Variants in ELMOD2 observed in about 807,000 individuals in gnomAD.
ELMOD2 encodes the protein ELMO domain containing 2.
ELMOD2 carries 28 observed loss-of-function variants against 41.0 expected under a neutral mutation model. That is an observed-to-expected ratio of 0.68 (90% CI 0.51 to 0.94). The LOEUF is 0.94. Among genes scored for constraint, ELMOD2 ranks in the 40% least tolerant of loss-of-function variants. The pLI is 0.00. For missense variants in ELMOD2, 333 were observed against 343.1 expected (o/e 0.97, Z 0.23); for synonymous variants, 106 against 107.2 (o/e 0.99, Z 0.07).
intron 3 of ELMOD2, among the ~76,000 whole-genome samples, chr4:140,528,123 T>C (rs898890168): frequency 6.6e-6 from 1 of 152,166 alleles, no homozygotes; most frequent in African/African-American, 2.4e-5. Flanking sequence ...TACACAAATA[T>C]ATTTTAAGTC....
chr4:140,537,490 GA>G lies in ELMOD2; in HGVS notation c.352del (p.Arg118GlyfsTer15). 2.5e-6 allele frequency: 4 copies of G among 1,591,274 alleles called. No individual in the cohort carries two copies. The highest frequency in any genetic ancestry group is 2.3e-5 in the East Asian group (1 of 42,868). ...TGTATTTGGATGTAGAAAGTGTGAGGAAAAGGCCATATGATTCTGATAACCT... is the reference window on the plus strand; with the variant it reads ...TGTATTTGGATGTAGAAAGTGTGAGGAAAGGCCATATGATTCTGATAACCT... ...QLYLDVESVRKRPYDSDNLQH... is the reference protein window; with the variant it reads ...QLYLDVESVRXRPYDSDNLQH... On this transcript the variant is annotated frameshift_variant, in exon 5 of 9. Transcript: ENST00000323570. LOFTEE classifies it high-confidence loss of function.
At chr4:140,525,808 T>G (rs1734544870) in intron 2 of ELMOD2, among the ~76,000 whole-genome samples, 1 of 152,226 alleles carries the variant, frequency 6.6e-6, no homozygotes, top group South Asian at 2.1e-4. Context: ...GTTTATCGGT[T>G]ATTCCTTAGA....
intron 8 of ELMOD2, among the ~76,000 whole-genome samples, chr4:140,544,422 A>T (rs1026362016): frequency 1.3e-5 from 2 of 152,084 alleles, no homozygotes; most frequent in African/African-American, 4.8e-5. Context: ...ACCCATTGTA[A>T]CTGTACAATA....
chr4:140,551,708 A>G lies in ELMOD2; in HGVS notation c.*1333A>G, dbSNP rs950042435. On this transcript the variant is annotated 3_prime_UTR_variant, in exon 9 of 9. Transcript: ENST00000323570. ...TTAGCACACCTTTTAATGTGGGTAT[A>G]TATCAAGTGTTTAAGGACTGGCTAG... 8.5e-5 allele frequency: 13 copies of G among 152,238 alleles called. No homozygotes were observed. The highest frequency in any genetic ancestry group is 1.9e-4 in the East Asian group (1 of 5,186). 9.4% of individuals were successfully genotyped at this position (152,238 alleles called of 1,614,324 possible).
intron 6 of ELMOD2, among the ~76,000 whole-genome samples, chr4:140,541,578 C>G (rs1735106243): frequency 6.6e-6 from 1 of 151,950 alleles, no homozygotes; most frequent in African/African-American, 2.4e-5. Context: ...TTGCATTAAG[C>G]AAGACTTTTA....
chr4:140,543,653 A>G, intron 8 of ELMOD2, 67 bp downstream of exon 8: 2 of 1,201,536 alleles, frequency 1.7e-6, no homozygotes, highest in Middle Eastern at 3.0e-4. Context: ...GGAATGTATA[A>G]TATATATTTT....
intron 3 of ELMOD2, among the ~76,000 whole-genome samples, chr4:140,530,173 TG>T (rs950336733): frequency 2.3e-4 from 35 of 152,220 alleles, no homozygotes; most frequent in Non-Finnish European, 3.1e-4. Context: ...CATCTATCAG[TG>T]TAATTGTTAT....
chr4:140,544,986 C>T (rs556370918), intron 8 of ELMOD2, among the ~76,000 whole-genome samples: 1 of 152,230 alleles, frequency 6.6e-6, no homozygotes, highest in South Asian at 2.1e-4. Flanking sequence ...CAGTGTCCAC[C>T]TCCAGATACT....
chr4:140,550,623 C>T lies in ELMOD2; in HGVS notation c.*248C>T. The T allele has an allele frequency of 3.9e-6, 1 of 257,382 alleles. No homozygotes were observed. The highest frequency in any genetic ancestry group is 2.2e-5 in the African/African-American group (1 of 44,696). The allele number at this position is 257,382 out of a possible 1,614,324, so 15.9% of individuals were successfully genotyped here. ...GAGTCATGCGAACTACAGTTTGGAA[C>T]TTGGGACTTAGCCCGTTGGTGTAAA... On this transcript the variant is annotated 3_prime_UTR_variant, in exon 9 of 9. Transcript: ENST00000323570.
chr4:140,529,208 CT>C (rs1734663462), intron 3 of ELMOD2, among the ~76,000 whole-genome samples: 1 of 152,164 alleles, frequency 6.6e-6, no homozygotes, highest in Non-Finnish European at 1.5e-5. Context: ...AGGGCAGTGT[CT>C]TGAGGCACTA....
At chr4:140,530,759 A>C (rs183248538) in intron 3 of ELMOD2, among the ~76,000 whole-genome samples, 60 of 152,308 alleles carry the variant, frequency 3.9e-4, no homozygotes, top group Middle Eastern at 6.8e-3. Flanking sequence ...TCAATTTAAA[A>C]ATATAATTTA....
At chr4:140,530,002 A>C (rs1734694021) in intron 3 of ELMOD2, among the ~76,000 whole-genome samples, 1 of 152,204 alleles carries the variant, frequency 6.6e-6, no homozygotes, top group Non-Finnish European at 1.5e-5. Flanking sequence ...GAATGTGATA[A>C]GGCTCTGAAT....
chr4:140,540,947 A>G (rs1735087798), intron 6 of ELMOD2, among the ~76,000 whole-genome samples: 1 of 152,158 alleles, frequency 6.6e-6, no homozygotes, highest in African/African-American at 2.4e-5. Context: ...AGATAAGGTG[A>G]TAATAAAGTC....
At position 140,540,293 on chromosome 4, in the gene ELMOD2, C is replaced by G. The variant is rs1735065251; in HGVS notation, c.525C>G (p.Ile175Met). Residue 175 changes from isoleucine to methionine, a missense_variant, in exon 6 of 9, where the codon ATC becomes ATG. Physicochemically the swap from Ile to Met is conservative, Grantham distance 10 (BLOSUM62 1). Transcript: ENST00000323570. ...DFRGMGILGL[I>M]NLVYFSENYT... ...GAGGCATGGGCATACTTGGGTTAAT[C>G]AATCTTGTGTAAGTGAAAGTAAACT... 5 of 1,613,210 alleles carry G rather than the reference C, an allele frequency of 3.1e-6. No homozygotes were observed. The highest frequency in any genetic ancestry group is 2.2e-5 in the East Asian group (1 of 44,874).
intron 8 of ELMOD2, among the ~76,000 whole-genome samples, chr4:140,546,521 TA>T (rs1293420121): frequency 6.8e-6 from 1 of 148,062 alleles, no homozygotes; most frequent in Non-Finnish European, 1.5e-5. Flanking sequence ...GAGACTAATG[TA>T]AAAAATAAAT....
At chr4:140,533,615 AAAGTT>A (rs1247050739) in intron 3 of ELMOD2, among the ~76,000 whole-genome samples, 2 of 152,198 alleles carry the variant, frequency 1.3e-5, no homozygotes, top group Non-Finnish European at 2.9e-5. Context: ...AAAAAATTGA[AAAGTT>A]AAACTTCATC....
intron 2 of ELMOD2, among the ~76,000 whole-genome samples, 174 bp from the exon 3 acceptor site, chr4:140,527,292 C>G (rs1324585396): frequency 6.6e-6 from 1 of 152,052 alleles, no homozygotes; most frequent in Non-Finnish European, 1.5e-5. Flanking sequence ...TTTTTGAAAT[C>G]ATATGTTTAT....
chr4:140,536,727 G>T (rs757449319), intron 4 of ELMOD2, among the ~76,000 whole-genome samples: 1 of 152,130 alleles, frequency 6.6e-6, no homozygotes, highest in Non-Finnish European at 1.5e-5. Context: ...TGTATTTTAG[G>T]AAGATGGAGA....
Position 140,553,521 on chromosome 4 carries a change from T to A in ELMOD2, c.*3146T>A, listed in dbSNP as rs1735523585. ...GTTTTTTTCTGTATTCATTTTTTAA[T>A]GAGAAAAGTTTTAAATGTAGTACAG... On this transcript the variant is annotated 3_prime_UTR_variant, in exon 9 of 9. Transcript: ENST00000323570. 1 of 152,148 alleles carries A rather than the reference T, an allele frequency of 6.6e-6. No individual in the cohort carries two copies. Among genetic ancestry groups the A allele is most frequent in the Non-Finnish European group, 1.5e-5 (1 of 67,992 alleles). 9.4% of individuals were successfully genotyped at this position (152,148 alleles called of 1,614,324 possible).
Sources: gnomAD v4.1 joint callset for allele counts (sites outside exome capture counted in the v4.1 genomes callset) on GRCh38, gnomAD v4.1.1 for gene constraint, MANE v1.5 for transcripts, NCBI Gene and HGNC (gene_info 2026-07-23, HGNC 2026-07-21) for gene names.